The following NRBP2 variants were observed in gnomAD, a reference collection of about 807,000 sequenced individuals.
The protein encoded by NRBP2 is nuclear receptor binding protein 2.
A neutral mutation model predicts 74.4 loss-of-function variants in NRBP2; 47 were observed. The observed-to-expected ratio is 0.63, with a 90% CI of 0.50 to 0.81. NRBP2 has a LOEUF of 0.81. Ranked by LOEUF, NRBP2 falls within the 30% of genes least tolerant of loss-of-function variation. The pLI is 0.00. For missense variants in NRBP2, 613 were observed against 690.1 expected, an observed-to-expected ratio of 0.89 and a Z score of 1.25; for synonymous variants, 312 against 273.8, an observed-to-expected ratio of 1.14 and a Z score of -1.38.
chr8:143,836,721 G>A (rs1818414651), intron 14 of NRBP2, among the ~76,000 whole-genome samples: 1 of 148,702 alleles, frequency 6.7e-6, no homozygotes, highest in African/African-American at 2.5e-5. Context: ...AGGGGTGCGG[G>A]GGTGGGGGAA....
Position 143,839,878 on chromosome 8 carries a change from C to T in NRBP2, c.354+51G>A, listed in dbSNP as rs972139034. 5.2e-6 allele frequency: 8 copies of T among 1,534,726 alleles called. No individual in the cohort carries two copies. Among genetic ancestry groups the T allele is most frequent in the Middle Eastern group, 1.7e-4 (1 of 5,990 alleles). ...CCAGCTGCGGGTTCGTCCCCATGCC[C>T]GCCCCACCTAGCTGTGGTCTCTGCC... On this transcript the variant is annotated intron_variant, in intron 3 of 17. Coordinates refer to ENST00000442628, the MANE Select transcript of NRBP2 (RefSeq NM_178564.4). This position sits in a 1 kb window ranked among gnomAD's most constrained non-coding sequence, Gnocchi z 5.1.
At position 143,840,866 on chromosome 8, in the gene NRBP2, G is replaced by A. The variant is rs562387716; in HGVS notation, c.-32C>T. On this transcript the variant is annotated 5_prime_UTR_variant, in exon 1 of 18. Transcript: ENST00000442628. The surrounding 1 kb of genome is among the most constrained non-coding windows in gnomAD (Gnocchi z 5.7). Reference sequence around the variant, plus strand: ...GCCAGCCCAGGCCACCGCCCTCTGCGCGATCCGCCGCCGGCGCAGCCTCTC... The same window carrying A: ...GCCAGCCCAGGCCACCGCCCTCTGCACGATCCGCCGCCGGCGCAGCCTCTC... 2 of 1,299,652 alleles carry A rather than the reference G, an allele frequency of 1.5e-6. No homozygotes were observed. The highest frequency in any genetic ancestry group is 3.2e-5 in the East Asian group (1 of 31,126). The allele number at this position is 1,299,652 out of a possible 1,614,324, so 80.5% of individuals were successfully genotyped here.
At position 143,840,696 on chromosome 8, in the gene NRBP2, C is replaced by A; in HGVS notation, c.129+10G>T. On this transcript the variant is annotated intron_variant, in intron 1 of 17. Transcript: ENST00000442628. This position sits in a 1 kb window ranked among gnomAD's most constrained non-coding sequence, Gnocchi z 5.7. Reference sequence around the variant, plus strand: ...GCGGTGTCACCCCGTGCCCCAACCCCCGCGCCCACCTGCTCCCGTCGCTTT... The same window carrying A: ...GCGGTGTCACCCCGTGCCCCAACCCACGCGCCCACCTGCTCCCGTCGCTTT... 1 of 1,478,126 alleles carries A rather than the reference C, an allele frequency of 6.8e-7. No individual in the cohort carries two copies. Among genetic ancestry groups the A allele is most frequent in the Middle Eastern group, 1.8e-4 (1 of 5,414 alleles). 91.6% of individuals were successfully genotyped at this position (1,478,126 alleles called of 1,614,324 possible). A position where few individuals can be genotyped will look rare whatever the true frequency, so the allele number is the denominator to read the frequency against.
chr8:143,838,620 C>T, intron 10 of NRBP2, 60 bp downstream of exon 10: 1 of 1,301,184 alleles, frequency 7.7e-7, no homozygotes, highest in Non-Finnish European at 1.1e-6. Context: ...CCTGGAGCAC[C>T]TTGCTAGCCC....
rs1420355210 is a variant in NRBP2 at position 143,837,763 on chromosome 8, A to G, written c.841-8T>C. 7 of 1,557,910 alleles carry G rather than the reference A, an allele frequency of 4.5e-6. No homozygotes were observed. Among genetic ancestry groups the G allele is most frequent in the Non-Finnish European group, 2.6e-6 (3 of 1,149,964 alleles). On this transcript the variant is annotated splice_polypyrimidine_tract_variant and splice_region_variant and intron_variant, in intron 10 of 17. Transcript: ENST00000442628. This position sits in a 1 kb window ranked among gnomAD's most constrained non-coding sequence, Gnocchi z 4.3. ...GCAGCAAAGGATGAACTCCTGGGGCACAGGGAGGAGAGGCTGGTGGTGTGC... is the reference window on the plus strand; with the variant it reads ...GCAGCAAAGGATGAACTCCTGGGGCGCAGGGAGGAGAGGCTGGTGGTGTGC...
At position 143,839,556 on chromosome 8, in the gene NRBP2, G is replaced by A. The variant is rs986089352; in HGVS notation, c.445-7C>T. 6.5e-7 allele frequency: 1 copy of A among 1,530,402 alleles called. No individual in the cohort carries two copies. Among genetic ancestry groups the A allele is most frequent in the Non-Finnish European group, 8.7e-7 (1 of 1,144,518 alleles). The allele number at this position is 1,530,402 out of a possible 1,614,324, so 94.8% of individuals were successfully genotyped here. On this transcript the variant is annotated splice_region_variant and splice_polypyrimidine_tract_variant and intron_variant, in intron 4 of 17. Coordinates refer to ENST00000442628, the MANE Select transcript of NRBP2 (RefSeq NM_178564.4). This position sits in a 1 kb window ranked among gnomAD's most constrained non-coding sequence, Gnocchi z 5.1. ...TGCACCAGCGCTTCCAGGCCTGGCG[G>A]CGGACGCACGACTCCGTCGGTCGGG...
chr8:143,840,420 G>A lies in NRBP2; in HGVS notation c.130-191C>T, dbSNP rs1385235932. The A allele has an allele frequency of 3.8e-6, 3 of 799,518 alleles. No homozygotes were observed. Among genetic ancestry groups the A allele is most frequent in the Non-Finnish European group, 5.8e-6 (3 of 520,304 alleles). 49.5% of individuals were successfully genotyped at this position (799,518 alleles called of 1,614,324 possible). ...GGCTCCTATCCAAGGGCTGGGCTAAGGGGATTTGGAGCAGGTTTCAGGGGG... is the reference window on the plus strand; with the variant it reads ...GGCTCCTATCCAAGGGCTGGGCTAAAGGGATTTGGAGCAGGTTTCAGGGGG... On this transcript the variant is annotated intron_variant, in intron 1 of 17. Transcript: ENST00000442628. The surrounding 1 kb of genome is among the most constrained non-coding windows in gnomAD (Gnocchi z 5.7).
At position 143,836,107 on chromosome 8, in the gene NRBP2, C is replaced by T; in HGVS notation, c.1317+20G>A. On this transcript the variant is annotated intron_variant, in intron 15 of 17. Coordinates refer to ENST00000442628, the MANE Select transcript of NRBP2 (RefSeq NM_178564.4). ...TCCCGCCTTCCCCACGGCAGCGCCG[C>T]CCTCCCAGGCCCCGCTCACATGCCA... 6.3e-7 allele frequency: 1 copy of T among 1,599,266 alleles called. No individual in the cohort carries two copies. Among genetic ancestry groups the T allele is most frequent in the Non-Finnish European group, 8.5e-7 (1 of 1,175,004 alleles).
rs1554653256 is a variant in NRBP2, at chr8:143,839,895, G to A, written c.354+34C>T. On this transcript the variant is annotated intron_variant, in intron 3 of 17. Coordinates refer to ENST00000442628, the MANE Select transcript of NRBP2 (RefSeq NM_178564.4). The surrounding 1 kb of genome is among the most constrained non-coding windows in gnomAD (Gnocchi z 5.1). ...CCCATGCCCGCCCCACCTAGCTGTG[G>A]TCTCTGCCTGCCCGGGGCCTTGCCC... is the stretch of plus-strand genomic sequence containing the variant. The A allele has an allele frequency of 3.3e-6, 5 of 1,535,282 alleles. No homozygotes were observed. The South Asian group carries it at 4.8e-5, about 15-fold the overall frequency.
rs1554651476 is a variant in NRBP2 at position 143,835,859 on chromosome 8, G to T, written c.1398C>A (p.Asp466Glu). ...YDLLPTDSAQDLASELVHYGF... is the reference protein window; with the variant it reads ...YDLLPTDSAQELASELVHYGF... ...CATAGTGCACGAGCTCCGAGGCGAG[G>T]TCCTGGGCGCTGTCCGCTGAGGCAA... The change falls in exon 17 of 18, where the codon GAC becomes GAA. Residue 466 changes from aspartate to glutamate, a missense_variant. Around this residue, in one of 2 missense-constraint regions of NRBP2, gnomAD observed 281 missense variants for 260.9 expected, o/e 1.08. Transcript: ENST00000442628. This position sits in a 1 kb window ranked among gnomAD's most constrained non-coding sequence, Gnocchi z 4.9. 2 of 1,600,842 alleles carry T rather than the reference G, an allele frequency of 1.2e-6. No homozygotes were observed. The highest frequency in any genetic ancestry group is 3.4e-5 in the Admixed American group (2 of 58,992).
Position 143,835,567 on chromosome 8 carries a change from G to A in NRBP2, c.*95C>T, listed in dbSNP as rs782269618. The A allele has an allele frequency of 1.2e-4, 129 of 1,034,120 alleles. 1 individual carries two copies. Among genetic ancestry groups the A allele is most frequent in the East Asian group, 9.9e-4 (38 of 38,308 alleles). 64.1% of individuals were successfully genotyped at this position (1,034,120 alleles called of 1,614,324 possible). On this transcript the variant is annotated 3_prime_UTR_variant, in exon 18 of 18. Coordinates refer to ENST00000442628, the MANE Select transcript of NRBP2 (RefSeq NM_178564.4). This position sits in a 1 kb window ranked among gnomAD's most constrained non-coding sequence, Gnocchi z 4.9. ...TACCGGGGCCTTTGTGCTCCCAGGC[G>A]CATGGAGGAGGGCAGCCCCACGGTG...
rs1358979040 is a variant in NRBP2 at position 143,834,271 on chromosome 8, T to C, written c.*1391A>G. 6.6e-6 allele frequency: 1 copy of C among 152,250 alleles called. No homozygotes were observed. Among genetic ancestry groups the C allele is most frequent in the African/African-American group, 2.4e-5 (1 of 41,464 alleles). 9.4% of individuals were successfully genotyped at this position (152,250 alleles called of 1,614,324 possible). On this transcript the variant is annotated 3_prime_UTR_variant, in exon 18 of 18. Transcript: ENST00000442628. ...GGTTCGTGACACAGACTGAACCTGC[T>C]AGCTCTGAAGATGGAGGAGGGGGCC...
At position 143,839,698 on chromosome 8, in the gene NRBP2, G is replaced by A. The variant is rs782679219; in HGVS notation, c.444+38C>T. On this transcript the variant is annotated intron_variant, in intron 4 of 17. Coordinates refer to ENST00000442628, the MANE Select transcript of NRBP2 (RefSeq NM_178564.4). This position sits in a 1 kb window ranked among gnomAD's most constrained non-coding sequence, Gnocchi z 5.1. The stretch of plus-strand genomic sequence containing the variant: ...CAGTCCCCGAGGCTGCCCCAACCCC[G>A]TCCTGTCCCCGTGGCTGCCCCAGCC... The A allele has an allele frequency of 2.0e-6, 3 of 1,533,002 alleles. No individual in the cohort carries two copies. The highest frequency in any genetic ancestry group is 2.4e-5 in the South Asian group (2 of 83,980). 95.0% of individuals were successfully genotyped at this position (1,533,002 alleles called of 1,614,324 possible). A position where few individuals can be genotyped will look rare whatever the true frequency, so the allele number is the denominator to read the frequency against.
rs1053357615 is a variant in NRBP2, at chr8:143,839,643, C to T, written c.444+93G>A. The T allele has an allele frequency of 4.3e-5, 65 of 1,512,596 alleles. No individual in the cohort carries two copies. The highest frequency in any genetic ancestry group is 5.6e-5 in the Non-Finnish European group (64 of 1,134,470). The allele number at this position is 1,512,596 out of a possible 1,614,324, so 93.7% of individuals were successfully genotyped here. A position where few individuals can be genotyped will look rare whatever the true frequency, so the allele number is the denominator to read the frequency against. Reference sequence around the variant, plus strand: ...CCCCGCATCCTCGCCCAGCCCCTGTCCGAGGCCGCCGGGCACCCCCTCACC... The same window carrying T: ...CCCCGCATCCTCGCCCAGCCCCTGTTCGAGGCCGCCGGGCACCCCCTCACC... On this transcript the variant is annotated intron_variant, in intron 4 of 17. Transcript: ENST00000442628. This position sits in a 1 kb window ranked among gnomAD's most constrained non-coding sequence, Gnocchi z 5.1.
rs1160627712 is a variant in NRBP2 at position 143,833,666 on chromosome 8, C to T, written c.*1996G>A. ...AAACTATTCTACTTTAAAAACAATA[C>T]ATATATAATTCTGAAAAGATAAAAT... On this transcript the variant is annotated 3_prime_UTR_variant, in exon 18 of 18. Transcript: ENST00000442628. The T allele has an allele frequency of 6.6e-6, 1 of 151,922 alleles. No homozygotes were observed. The highest frequency in any genetic ancestry group is 1.5e-5 in the Non-Finnish European group (1 of 68,000). The allele number at this position is 151,922 out of a possible 1,614,324, so 9.4% of individuals were successfully genotyped here. A position where few individuals can be genotyped will look rare whatever the true frequency, so the allele number is the denominator to read the frequency against.
At chr8:143,831,941 T>C (rs1818178562), downstream of NRBP2, among the ~76,000 whole-genome samples, 1 of 152,242 alleles carries the variant, frequency 6.6e-6, no homozygotes, top group Admixed American at 6.5e-5. Context: ...AGCCAAGCTT[T>C]TTGTAGCTAG....
At chr8:143,832,755 T>C (rs948733358), downstream of NRBP2, among the ~76,000 whole-genome samples, 3 of 152,208 alleles carry the variant, frequency 2.0e-5, no homozygotes, top group Non-Finnish European at 4.4e-5. Flanking sequence ...CACATCCCCC[T>C]CTTCGAGAAA....
chr8:143,837,501 G>C lies in NRBP2; in HGVS notation c.982C>G (p.Pro328Ala). 6.2e-7 allele frequency: 1 copy of C among 1,609,986 alleles called. No individual in the cohort carries two copies. Among genetic ancestry groups the C allele is most frequent in the South Asian group, 1.1e-5 (1 of 90,042 alleles). ...HCFIQHQYLM[P>A]ENVVEEKTKA... ...GTCTTCTCCTCCACCACATTCTCAG[G>C]CATGAGGTCTGCGGCCACAAGAGCA... Residue 328 changes from proline to alanine, a missense_variant, in exon 12 of 18, where the codon CCT (proline) becomes GCT (alanine). Around this residue, in one of 2 missense-constraint regions of NRBP2, gnomAD observed 281 missense variants for 260.9 expected, o/e 1.08. Coordinates refer to ENST00000442628, the MANE Select transcript of NRBP2 (RefSeq NM_178564.4). This position sits in a 1 kb window ranked among gnomAD's most constrained non-coding sequence, Gnocchi z 4.3.
rs782184124 is a variant in NRBP2 at position 143,837,257 on chromosome 8, C to T, written c.1119G>A (p.Glu373=). The change falls in exon 13 of 18, where the codon GAG becomes GAA. Residue 373 remains glutamate (E), a synonymous_variant. Transcript: ENST00000442628. This position sits in a 1 kb window ranked among gnomAD's most constrained non-coding sequence, Gnocchi z 4.3. ...VSFMELDKFL[E]DVRNGIYPLM... ...CTTACATCAGTTCTCACCTGACATC[C>T]TCCAGGAATTTGTCCAGCTCCATGA... 1.9e-6 allele frequency: 3 copies of T among 1,613,822 alleles called. No individual in the cohort carries two copies. The highest frequency in any genetic ancestry group is 2.5e-6 in the Non-Finnish European group (3 of 1,179,958).
Sources: allele counts gnomAD v4.1 joint callset (sites outside exome capture counted in the v4.1 genomes callset), GRCh38; gene constraint gnomAD v4.1.1; regional missense constraint gnomAD v4.1.1; non-coding constraint Gnocchi (gnomAD v3.1); transcripts MANE v1.5; gene names NCBI Gene and HGNC (gene_info 2026-07-23, HGNC 2026-07-21).